The following ZFAT variants were observed in gnomAD, a reference collection of about 807,000 sequenced individuals.
ZFAT encodes zinc finger and AT-hook domain containing.
Under a neutral mutation model 117.7 loss-of-function variants are expected in ZFAT, and 64 were observed. The ratio of observed to expected loss-of-function variants is 0.54; its 90% CI spans 0.44 to 0.67. ZFAT has a LOEUF of 0.67. Among genes scored for constraint, ZFAT ranks in the 30% least tolerant of loss-of-function variants. The pLI is 0.00. For missense variants in ZFAT, 1,433 were observed against 1,584.5 expected (o/e 0.90, Z 1.62); for synonymous variants, 679 against 615.0 (o/e 1.10, Z -1.54).
chr8:134,542,146 T>C (rs1822302665), intron 11 of ZFAT, among the ~76,000 whole-genome samples: 1 of 152,204 alleles, frequency 6.6e-6, no homozygotes, highest in Admixed American at 6.5e-5. Context: ...CTTTCTCATT[T>C]GCATTCTAAC....
intron 11 of ZFAT, among the ~76,000 whole-genome samples, chr8:134,564,159 CCTT>C (rs991716331): frequency 8.4e-5 from 12 of 142,674 alleles, no homozygotes; most frequent in Non-Finnish European, 1.2e-4. Context: ...GAGTGAGACT[CCTT>C]CTCAAAAAAA....
intron 4 of ZFAT, among the ~76,000 whole-genome samples, 161 bp downstream of exon 4, chr8:134,610,309 G>A (rs1828233248): frequency 6.6e-6 from 1 of 152,306 alleles, no homozygotes; most frequent in Middle Eastern, 3.4e-3. Context: ...ACAACACCTG[G>A]GCAGTAAGTA....
At chr8:134,577,194 G>C (rs1366565366) in intron 10 of ZFAT, among the ~76,000 whole-genome samples, 6 of 152,268 alleles carry the variant, frequency 3.9e-5, no homozygotes, top group African/African-American at 1.4e-4. Context: ...GCCCTTTATA[G>C]ATCAATTTCT....
At chr8:134,640,332 A>G (rs1830509681) in intron 2 of ZFAT, among the ~76,000 whole-genome samples, 1 of 152,238 alleles carries the variant, frequency 6.6e-6, no homozygotes, top group African/African-American at 2.4e-5. Flanking sequence ...AGTCTTGGGC[A>G]GACTTGGTCG....
chr8:134,625,050 C>T (rs1456261515), intron 3 of ZFAT, among the ~76,000 whole-genome samples: 1 of 152,214 alleles, frequency 6.6e-6, no homozygotes, highest in African/African-American at 2.4e-5. Context: ...CCAATTCACT[C>T]CACACTGCTA....
intron 10 of ZFAT, among the ~76,000 whole-genome samples, chr8:134,576,186 C>G (rs533651560): frequency 1.3e-5 from 2 of 152,322 alleles, no homozygotes; most frequent in East Asian, 1.9e-4. Flanking sequence ...AAAGTTAAAT[C>G]TGTATATCAA....
At chr8:134,534,276 A>T (rs533398663) in intron 11 of ZFAT, among the ~76,000 whole-genome samples, 1 of 152,322 alleles carries the variant, frequency 6.6e-6, no homozygotes, top group Admixed American at 6.5e-5. Context: ...CAACAATTCT[A>T]TCACAATTCT....
chr8:134,787,936 A>G, the ZFAT span, among the ~76,000 whole-genome samples: 1 of 152,126 alleles, frequency 6.6e-6, no homozygotes, highest in Non-Finnish European at 1.5e-5. Context: ...GTATTCAGTG[A>G]CCTTGATAAG....
At chr8:134,832,090 G>C in the ZFAT span, among the ~76,000 whole-genome samples, 1 of 140,676 alleles carries the variant, frequency 7.1e-6, no homozygotes, top group South Asian at 2.3e-4. Context: ...TGGAGCGGCC[G>C]GGGGAGAGGG....
chr8:134,681,842 T>C (rs1242238831), intron 1 of ZFAT, among the ~76,000 whole-genome samples: 1 of 152,228 alleles, frequency 6.6e-6, no homozygotes, highest in Non-Finnish European at 1.5e-5. Flanking sequence ...GGAAATATTT[T>C]AACAACATAA....
intron 3 of ZFAT, among the ~76,000 whole-genome samples, chr8:134,624,197 C>T (rs1020431925): frequency 2.0e-5 from 3 of 151,926 alleles, no homozygotes; most frequent in African/African-American, 7.3e-5. Flanking sequence ...CACACACACA[C>T]ACACACACAC....
intron 4 of ZFAT, 72 bp from the exon 5 acceptor site, chr8:134,608,951 G>A (rs1586809359): frequency 1.3e-6 from 2 of 1,523,030 alleles, no homozygotes; most frequent in Non-Finnish European, 1.8e-6. Context: ...CGCAGCAGAG[G>A]GGATGGTGCT....
rs546896274 is a variant in ZFAT, at chr8:134,564,242, C to T, written c.2976+1091G>A. 7.7e-4 allele frequency among the ~76,000 whole-genome samples: 117 copies of T among 151,228 alleles called. 2 individuals carry two copies. The South Asian group carries it at 0.024, about 32-fold the overall frequency. On this transcript the variant is annotated intron_variant, in intron 11 of 15. Transcript: ENST00000377838. Reference sequence around the variant, plus strand: ...AGTATCTAGATTGTTGCCCAAGACACCACTGAAAGAAACTAGCCTTGGCCC... The same window carrying T: ...AGTATCTAGATTGTTGCCCAAGACATCACTGAAAGAAACTAGCCTTGGCCC...
In ZFAT at chr8:134,478,003, C is replaced by G. The variant is rs1816998480; in HGVS notation, c.*479G>C. 6.2e-6 allele frequency: 1 copy of G among 160,180 alleles called. No individual in the cohort carries two copies. The highest frequency in any genetic ancestry group is 1.8e-4 in the South Asian group (1 of 5,498). 9.9% of individuals were successfully genotyped at this position (160,180 alleles called of 1,614,324 possible). A position where few individuals can be genotyped will look rare whatever the true frequency, so the allele number is the denominator to read the frequency against. ...GCCAGGACAATCCCCCTACCCCCACCCCACCCAGCAGTGATTAAAAACCCG... is the reference window on the plus strand; with the variant it reads ...GCCAGGACAATCCCCCTACCCCCACGCCACCCAGCAGTGATTAAAAACCCG... On this transcript the variant is annotated 3_prime_UTR_variant, in exon 16 of 16. Coordinates refer to ENST00000377838, the MANE Select transcript of ZFAT (RefSeq NM_020863.4). The surrounding 1 kb of genome is among the most constrained non-coding windows in gnomAD (Gnocchi z 5.2).
At chr8:134,804,753 G>T in the ZFAT span, 1 of 439,494 alleles carries the variant, frequency 2.3e-6, no homozygotes, top group Admixed American at 2.4e-5. Flanking sequence ...ATCATAATAC[G>T]TGCACTGTCA....
intron 2 of ZFAT, among the ~76,000 whole-genome samples, chr8:134,650,481 G>A (rs1348039911): frequency 6.6e-6 from 1 of 152,098 alleles, no homozygotes; most frequent in Non-Finnish European, 1.5e-5. Flanking sequence ...ACAGCAGTTT[G>A]AGAATGGACT....
chr8:134,502,950 C>A (rs1028117916), intron 15 of ZFAT, among the ~76,000 whole-genome samples: 6 of 152,176 alleles, frequency 3.9e-5, no homozygotes, highest in Admixed American at 2.0e-4. Flanking sequence ...GAGGGGCAAC[C>A]CCAGGAGGCA....
At position 134,676,255 on chromosome 8, in the gene ZFAT, C is replaced by CAAA. The variant is rs146638821; in HGVS notation, c.20-18521_20-18519dup. On this transcript the variant is annotated intron_variant, in intron 1 of 15. Transcript: ENST00000377838. ...GAAGATCTACCAAGCAAATGGAAAG[C>CAAA]AAAAAAAAAAAAAAAAAAAAAAATC... Among the ~76,000 whole-genome samples, 27 of 80,590 alleles carry CAAA rather than the reference C, an allele frequency of 3.4e-4. 1 individual carries two copies. The highest frequency in any genetic ancestry group is 4.7e-4 in the Non-Finnish European group (20 of 43,000). The allele number at this position is 80,590 out of a possible 152,430, so 52.9% of individuals were successfully genotyped here. A position where few individuals can be genotyped will look rare whatever the true frequency, so the allele number is the denominator to read the frequency against.
intron 1 of ZFAT, among the ~76,000 whole-genome samples, chr8:134,683,331 G>C (rs1393256729): frequency 6.6e-6 from 1 of 152,218 alleles, no homozygotes; most frequent in Admixed American, 6.5e-5. Flanking sequence ...ATACAGGCCT[G>C]TATGGTTCCA....
Sources: allele counts gnomAD v4.1 joint callset (sites outside exome capture counted in the v4.1 genomes callset), GRCh38; gene constraint gnomAD v4.1.1; non-coding constraint Gnocchi (gnomAD v3.1); transcripts MANE v1.5; gene names NCBI Gene and HGNC (gene_info 2026-07-23, HGNC 2026-07-21).